The following TPD52 variants were observed in gnomAD, a reference collection of about 807,000 sequenced individuals.
TPD52 encodes prostate and colon associated protein.
TPD52 carries 17 observed loss-of-function variants against 31.3 expected under a neutral mutation model. That is an observed-to-expected ratio of 0.54 (90% confidence interval 0.37 to 0.82). The LOEUF (loss-of-function observed/expected upper bound fraction) is 0.82, where lower values mean the gene tolerates loss of function less well. Ranked by LOEUF, TPD52 falls within the 40% of genes least tolerant of loss-of-function variation. The pLI is 0.00. For missense variants in TPD52, 212 were observed against 240.1 expected (o/e 0.88, Z 0.77); for synonymous variants, 83 against 89.6 (o/e 0.93, Z 0.42).
intron 1 of TPD52, among the ~76,000 whole-genome samples, chr8:80,145,238 C>T (rs550548794): frequency 6.6e-6 from 1 of 152,346 alleles, no homozygotes; most frequent in Admixed American, 6.5e-5. Context: ...CCTGCATGAA[C>T]AGCTAAGTGA....
chr8:80,105,578 T>G (rs1019539949), intron 1 of TPD52, among the ~76,000 whole-genome samples: 2 of 152,140 alleles, frequency 1.3e-5, no homozygotes, highest in Admixed American at 6.6e-5. Flanking sequence ...TGAGTCTTGC[T>G]GATGCTCTCA....
rs563423999 is a variant in TPD52 at position 80,170,661 on chromosome 8, G to A, written c.19+764C>T. On this transcript the variant is annotated intron_variant, in intron 1 of 7. Transcript: ENST00000518937. ...TTAAAAGCGTGCCACACACATCTGC[G>A]TACAGTCACAGGCTTATGATCAGCA... is the stretch of plus-strand genomic sequence containing the variant. Among the ~76,000 whole-genome samples, 3 of 151,372 alleles carry A rather than the reference G, an allele frequency of 2.0e-5. No individual in the cohort carries two copies. In the East Asian group the frequency reaches 5.8e-4, roughly 29 times the overall value.
At chr8:80,048,062 A>T (rs1365284288) in intron 5 of TPD52, among the ~76,000 whole-genome samples, 1 of 152,202 alleles carries the variant, frequency 6.6e-6, no homozygotes, top group African/African-American at 2.4e-5. Flanking sequence ...TAGGCATAGA[A>T]CATATGCAAA....
At chr8:80,138,954 C>T (rs1809627809) in intron 1 of TPD52, among the ~76,000 whole-genome samples, 1 of 152,168 alleles carries the variant, frequency 6.6e-6, no homozygotes, top group Non-Finnish European at 1.5e-5. Flanking sequence ...CCCTCCGACC[C>T]AGAGCCTCTC....
At chr8:80,145,598 G>A (rs867610498) in intron 1 of TPD52, among the ~76,000 whole-genome samples, 13 of 152,148 alleles carry the variant, frequency 8.5e-5, no homozygotes, top group Admixed American at 3.9e-4. Context: ...TGCACATTCC[G>A]GGCCCACTTC....
intron 2 of TPD52, among the ~76,000 whole-genome samples, 179 bp downstream of exon 2, chr8:80,064,299 C>T (rs549544154): frequency 2.1e-4 from 32 of 152,242 alleles, no homozygotes; most frequent in African/African-American, 7.0e-4. Flanking sequence ...CATATAAAAA[C>T]GAACCGATGT....
intron 1 of TPD52, among the ~76,000 whole-genome samples, chr8:80,155,540 G>A (rs1456238605): frequency 6.6e-6 from 1 of 152,168 alleles, no homozygotes; most frequent in Non-Finnish European, 1.5e-5. Context: ...TGAGGAAAAG[G>A]AAAAGTAGAG....
At chr8:80,079,727 C>T (rs1236243583) in intron 1 of TPD52, among the ~76,000 whole-genome samples, 1 of 152,082 alleles carries the variant, frequency 6.6e-6, no homozygotes, top group Non-Finnish European at 1.5e-5. Flanking sequence ...AAGGAAGGGC[C>T]TCCCTGATGG....
rs1807416881 is a variant in TPD52 at position 80,110,350 on chromosome 8, A to G, written c.20-45757T>C. Among the ~76,000 whole-genome samples, 5 of 152,098 alleles carry G rather than the reference A, an allele frequency of 3.3e-5. No homozygotes were observed. The South Asian group carries it at 1.0e-3, about 31-fold the overall frequency. ...CATACCAGATTGTCTCACTGTGATT[A>G]GAAAAAAAATGAGATTGACAACAAA... is the stretch of plus-strand genomic sequence containing the variant. On this transcript the variant is annotated intron_variant, in intron 1 of 7. Transcript: ENST00000518937.
At chr8:80,169,176 G>T (rs1479319562) in intron 1 of TPD52, among the ~76,000 whole-genome samples, 4 of 152,102 alleles carry the variant, frequency 2.6e-5, no homozygotes, top group East Asian at 1.9e-4. Context: ...GTAGAGACAG[G>T]GTTCCACCTT....
intron 1 of TPD52, among the ~76,000 whole-genome samples, chr8:80,126,849 G>A (rs945687447): frequency 3.3e-5 from 5 of 152,084 alleles, no homozygotes; most frequent in African/African-American, 1.2e-4. Flanking sequence ...ATCAGGCAGG[G>A]CACAATGGCT....
At chr8:80,046,343 G>A (rs890965601) in intron 5 of TPD52, among the ~76,000 whole-genome samples, 1 of 152,112 alleles carries the variant, frequency 6.6e-6, no homozygotes, top group Non-Finnish European at 1.5e-5. Context: ...TTTTATAGTA[G>A]GAAGAAAAGG....
chr8:80,113,083 C>G (rs1475961998), intron 1 of TPD52, among the ~76,000 whole-genome samples: 1 of 152,116 alleles, frequency 6.6e-6, no homozygotes, highest in African/African-American at 2.4e-5. Flanking sequence ...GTGGTGTCAG[C>G]TCTCAAAACC....
intron 3 of TPD52, among the ~76,000 whole-genome samples, chr8:80,052,835 C>A (rs3780010): frequency 0.57 from 86,439 of 151,936 alleles, 25,286 homozygotes; most frequent in East Asian, 0.7. Context: ...TAAAAAAATA[C>A]ATTAATAATA....
chr8:80,050,815 G>A (rs893080590), intron 4 of TPD52, among the ~76,000 whole-genome samples: 7 of 151,894 alleles, frequency 4.6e-5, no homozygotes, highest in Admixed American at 2.0e-4. Context: ...TGCAAAACAC[G>A]AAGCCATGCA....
At chr8:80,132,743 G>A (rs1294848322) in intron 1 of TPD52, among the ~76,000 whole-genome samples, 1 of 152,152 alleles carries the variant, frequency 6.6e-6, no homozygotes, top group Non-Finnish European at 1.5e-5. Context: ...GGCGCCAGAA[G>A]ATTTGGAAGC....
intron 1 of TPD52, among the ~76,000 whole-genome samples, chr8:80,065,902 A>G (rs1016529599): frequency 1.4e-5 from 2 of 147,760 alleles, no homozygotes; most frequent in African/African-American, 5.0e-5. Flanking sequence ...CAGTTTACAG[A>G]TTTGGGATTA....
At chr8:80,057,049 TC>T (rs1262708513) in intron 2 of TPD52, among the ~76,000 whole-genome samples, 21 of 152,084 alleles carry the variant, frequency 1.4e-4, no homozygotes, top group Admixed American at 1.4e-3. Flanking sequence ...GTGCCTATAA[TC>T]CCAGCTACTC....
chr8:80,105,830 T>C (rs915443946), intron 1 of TPD52, among the ~76,000 whole-genome samples: 1 of 150,972 alleles, frequency 6.6e-6, no homozygotes, highest in Non-Finnish European at 1.5e-5. Flanking sequence ...CTCCCGGATT[T>C]AAGCAATTCC....
Sources: allele counts gnomAD v4.1 joint callset (sites outside exome capture counted in the v4.1 genomes callset), GRCh38; gene constraint gnomAD v4.1.1; transcripts MANE v1.5; gene names NCBI Gene and HGNC (gene_info 2026-07-23, HGNC 2026-07-21).